MAP6: variants seen among roughly 807,000 people sequenced by gnomAD.
MAP6 encodes the protein microtubule associated protein 6, also known as microtubule-associated protein 6.
In MAP6, 26 loss-of-function variants were observed where a neutral mutation model predicts 42.4. The ratio of observed to expected loss-of-function variants is 0.61; its 90% CI spans 0.45 to 0.85. The LOEUF is 0.85. MAP6 is among the 40% of genes least tolerant of loss of function. The pLI is 0.00. For missense variants in MAP6, 966 were observed against 1,099.0 expected, an observed-to-expected ratio of 0.88 and a Z score of 1.71; for synonymous variants, 418 against 443.8, an observed-to-expected ratio of 0.94 and a Z score of 0.73.
chr11:75,658,402 C>CA (rs1016597285), intron 1 of MAP6, among the ~76,000 whole-genome samples: 8 of 106,012 alleles, frequency 7.5e-5, no homozygotes, highest in East Asian at 5.6e-4. Context: ...CTCCACCCCC[C>CA]CCGCCCCAGA....
chr11:75,657,544 T>C (rs1466045141), intron 1 of MAP6, among the ~76,000 whole-genome samples: 8 of 152,176 alleles, frequency 5.3e-5, no homozygotes, highest in Admixed American at 4.6e-4. Context: ...CAAAGAATTA[T>C]CTGGCCAATA....
At chr11:75,612,847 A>C (rs1942925431) in intron 1 of MAP6, among the ~76,000 whole-genome samples, 1 of 152,140 alleles carries the variant, frequency 6.6e-6, no homozygotes, top group Non-Finnish European at 1.5e-5. Context: ...CTCAACCCAA[A>C]ATTTCCCATC....
chr11:75,668,274 C>G lies in MAP6; in HGVS notation c.96G>C (p.Lys32Asn). 1 of 1,539,300 alleles carries G rather than the reference C, an allele frequency of 6.5e-7. No homozygotes were observed. Residue 32 changes from lysine (K) to asparagine (N), a missense_variant, in exon 1 of 4, where the codon AAG becomes AAC. Coordinates refer to ENST00000304771, the MANE Select transcript of MAP6 (RefSeq NM_033063.2). ...ADIAVPLVFTKYSEATEHPGA... is the reference protein window; with the variant it reads ...ADIAVPLVFTNYSEATEHPGA... ...CCGGGTGCTCGGTGGCCTCCGAGTA[C>G]TTGGTGAAAACCAGCGGCACAGCGA...
rs1302920655 is a variant in MAP6, at chr11:75,587,249, G to A, written c.2252C>T (p.Pro751Leu). ...IVPEPLKNQVPIVPVPLKDQD... is the reference protein window; with the variant it reads ...IVPEPLKNQVLIVPVPLKDQD... ...ATCCTTCAGAGGCACTGGGACTATA[G>A]GAACTTGATTCTTCAGAGGTTCAGG... Residue 751 changes from proline (P) to leucine (L), a missense_variant, in exon 4 of 4, where the codon CCT becomes CTT. Pro to Leu is a moderately conservative substitution (Grantham distance 98, BLOSUM62 -3). Coordinates refer to ENST00000304771, the MANE Select transcript of MAP6 (RefSeq NM_033063.2). 5 of 1,614,012 alleles carry A rather than the reference G, an allele frequency of 3.1e-6. No individual in the cohort carries two copies. The highest frequency in any genetic ancestry group is 4.2e-6 in the Non-Finnish European group (5 of 1,180,030).
chr11:75,603,452 T>C, intron 3 of MAP6: 1 of 985,668 alleles, frequency 1.0e-6, no homozygotes, highest in East Asian at 1.1e-4. Flanking sequence ...AAGTGACACA[T>C]TCAAGAGTCA....
intron 3 of MAP6, among the ~76,000 whole-genome samples, chr11:75,593,764 A>G (rs1443525006): frequency 6.6e-6 from 1 of 152,216 alleles, no homozygotes; most frequent in Non-Finnish European, 1.5e-5. Context: ...AGCAATAACT[A>G]TGGGCCAGGC....
intron 1 of MAP6, chr11:75,642,469 A>G (rs971868995): frequency 6.6e-6 from 1 of 152,440 alleles, no homozygotes; most frequent in African/African-American, 2.4e-5. Context: ...TACCCACAAC[A>G]TTGACTAACT....
At position 75,627,375 on chromosome 11, in the gene MAP6, C is replaced by A. The variant is rs1454403117; in HGVS notation, c.906-19053G>T. Among the ~76,000 whole-genome samples the A allele has an allele frequency of 2.0e-5, 3 of 152,204 alleles. No individual in the cohort carries two copies. In the East Asian group the frequency reaches 5.8e-4, roughly 29 times the overall value. On this transcript the variant is annotated intron_variant, in intron 1 of 3. Coordinates refer to ENST00000304771, the MANE Select transcript of MAP6 (RefSeq NM_033063.2). ...CAGAGATAAACCAGTTAGTAAGGGGCACCAGAGTGCTGGGTGTGGAAGTGT... is the reference window on the plus strand; with the variant it reads ...CAGAGATAAACCAGTTAGTAAGGGGAACCAGAGTGCTGGGTGTGGAAGTGT...
intron 3 of MAP6, among the ~76,000 whole-genome samples, chr11:75,600,777 T>C (rs1590757135): frequency 1.3e-5 from 2 of 152,188 alleles, no homozygotes; most frequent in Non-Finnish European, 2.9e-5. Flanking sequence ...AAGGAGTCCA[T>C]AGCCTTTGTG....
Position 75,668,624 on chromosome 11 carries a change from G to A in MAP6, c.-255C>T, listed in dbSNP as rs1944008014. 2 of 337,584 alleles carry A rather than the reference G, an allele frequency of 5.9e-6. No individual in the cohort carries two copies. Among genetic ancestry groups the A allele is most frequent in the Non-Finnish European group, 1.0e-5 (2 of 192,298 alleles). The allele number at this position is 337,584 out of a possible 1,614,324, so 20.9% of individuals were successfully genotyped here. A position where few individuals can be genotyped will look rare whatever the true frequency, so the allele number is the denominator to read the frequency against. ...CAGTCTGCTGCGAGCGCCGAAGGGT[G>A]AGACGCACGGCGTTCCCGAGTCCCC... On this transcript the variant is annotated 5_prime_UTR_variant, in exon 1 of 4. Coordinates refer to ENST00000304771, the MANE Select transcript of MAP6 (RefSeq NM_033063.2).
chr11:75,610,309 T>A (rs369238021), intron 1 of MAP6, among the ~76,000 whole-genome samples: 1 of 152,252 alleles, frequency 6.6e-6, no homozygotes, highest in East Asian at 1.9e-4. Flanking sequence ...CGTCTTGTTT[T>A]CCCTGCCAAA....
chr11:75,602,520 C>T (rs914529703), intron 3 of MAP6, among the ~76,000 whole-genome samples: 14 of 152,150 alleles, frequency 9.2e-5, no homozygotes, highest in South Asian at 2.1e-4. Flanking sequence ...GACAGTCCTG[C>T]CAGTCGACAG....
At chr11:75,610,544 C>T (rs559175815) in intron 1 of MAP6, among the ~76,000 whole-genome samples, 1 of 152,364 alleles carries the variant, frequency 6.6e-6, no homozygotes, top group African/African-American at 2.4e-5. Flanking sequence ...GCTAGACAGG[C>T]CATGGAGGCC....
Position 75,617,289 on chromosome 11 carries a change from G to A in MAP6, c.906-8967C>T, listed in dbSNP as rs116555723. Among the ~76,000 whole-genome samples the A allele has an allele frequency of 3.5e-3, 533 of 152,208 alleles. 2 individuals carry two copies. The highest frequency in any genetic ancestry group is 0.012 in the African/African-American group (505 of 41,554). ...CCCAGCACCCTGGGAGGCCAAGGCCGGCAGATCTCTTGAGGCCAGGAGTTC... is the reference window on the plus strand; with the variant it reads ...CCCAGCACCCTGGGAGGCCAAGGCCAGCAGATCTCTTGAGGCCAGGAGTTC... On this transcript the variant is annotated intron_variant, in intron 1 of 3. Coordinates refer to ENST00000304771, the MANE Select transcript of MAP6 (RefSeq NM_033063.2).
At chr11:75,612,750 C>T (rs966699962) in intron 1 of MAP6, among the ~76,000 whole-genome samples, 2 of 152,166 alleles carry the variant, frequency 1.3e-5, no homozygotes, top group Admixed American at 1.3e-4. Context: ...ATTGATGGTG[C>T]TCTCCTCCTA....
rs3039214 is a variant in MAP6 at position 75,604,687 on chromosome 11, C to CCA, written c.1316+1119_1316+1120dup. The CCA allele has an allele frequency of 4.4e-4, 430 of 984,782 alleles. 1 individual carries two copies. The African/African-American group carries it at 6.9e-3, about 16-fold the overall frequency. 61.0% of individuals were successfully genotyped at this position (984,782 alleles called of 1,614,324 possible). On this transcript the variant is annotated intron_variant, in intron 3 of 3. Transcript: ENST00000304771. ...CACTTGCCACCCTTGGGGGCTTTGG[C>CCA]CACACACACACACGACACGGAATAT...
Position 75,667,210 on chromosome 11 carries a change from G to C in MAP6, c.905+255C>G, listed in dbSNP as rs1943962413. 6.6e-6 allele frequency among the ~76,000 whole-genome samples: 1 copy of C among 152,222 alleles called. No homozygotes were observed. Among genetic ancestry groups the C allele is most frequent in the Non-Finnish European group, 1.5e-5 (1 of 68,034 alleles). ...GGCAGGGATCTGAGGTGGGAGGGAT[G>C]GAGAAAAGGGCTACAGCGGTAAAGT... On this transcript the variant is annotated intron_variant, in intron 1 of 3. Coordinates refer to ENST00000304771, the MANE Select transcript of MAP6 (RefSeq NM_033063.2). The surrounding 1 kb of genome is among the most constrained non-coding windows in gnomAD (Gnocchi z 5.6).
At chr11:75,601,098 T>C (rs769305728) in intron 3 of MAP6, among the ~76,000 whole-genome samples, 35 of 152,224 alleles carry the variant, frequency 2.3e-4, no homozygotes, top group Non-Finnish European at 4.6e-4. Flanking sequence ...GGGGGAGCCC[T>C]GAGCACGTGG....
chr11:75,640,327 T>G (rs1166922676), intron 1 of MAP6, among the ~76,000 whole-genome samples: 1 of 152,178 alleles, frequency 6.6e-6, no homozygotes, highest in Non-Finnish European at 1.5e-5. Context: ...ATTGCTACCA[T>G]TGGTGCAGCA....
Sources: allele counts gnomAD v4.1 joint callset (sites outside exome capture counted in the v4.1 genomes callset), GRCh38; gene constraint gnomAD v4.1.1; non-coding constraint Gnocchi (gnomAD v3.1); transcripts MANE v1.5; gene names NCBI Gene and HGNC (gene_info 2026-07-23, HGNC 2026-07-21).